Variants in CSMD1 observed in about 807,000 individuals in gnomAD.
CSMD1 encodes the protein CUB and Sushi multiple domains 1, also known as CUB and sushi domain-containing protein 1.
CSMD1 carries 213 observed loss-of-function variants against 417.5 expected under a neutral mutation model. The observed-to-expected ratio is 0.51, with a 90% CI of 0.46 to 0.57. The LOEUF is 0.57. Ranked by LOEUF, CSMD1 falls within the 20% of genes least tolerant of loss-of-function variation. The probability of loss-of-function intolerance (pLI) is 0.00; values close to 1 mark genes in which losing one functional copy is unlikely to be tolerated. For missense variants in CSMD1, 6,923 were observed against 4,529.7 expected (o/e 1.53, Z -15.17); for synonymous variants, 2,862 against 1,736.8 (o/e 1.65, Z -16.11).
At chr8:4,613,934 G>C (rs1485346297) in intron 2 of CSMD1, among the ~76,000 whole-genome samples, 1 of 151,092 alleles carries the variant, frequency 6.6e-6, no homozygotes, top group Non-Finnish European at 1.5e-5. Context: ...AGATAGAGAA[G>C]TTTTCTTTTG....
At chr8:4,066,919 G>C (rs1799281856) in intron 3 of CSMD1, among the ~76,000 whole-genome samples, 1 of 152,220 alleles carries the variant, frequency 6.6e-6, no homozygotes, top group Non-Finnish European at 1.5e-5. Flanking sequence ...TTTAAGTAAA[G>C]TGACAAATGC....
intron 12 of CSMD1, among the ~76,000 whole-genome samples, chr8:3,417,750 A>G (rs879700158): frequency 9.9e-5 from 15 of 152,222 alleles, no homozygotes; most frequent in Non-Finnish European, 1.9e-4. Flanking sequence ...TTTCACTCAG[A>G]AATCCCTAAA....
chr8:4,033,899 G>C (rs1255264255), intron 3 of CSMD1, among the ~76,000 whole-genome samples: 2 of 152,060 alleles, frequency 1.3e-5, no homozygotes, highest in Non-Finnish European at 2.9e-5. Flanking sequence ...CATCATTGTT[G>C]GCTATTGTAT....
chr8:4,893,349 T>C (rs1368932808), intron 1 of CSMD1, among the ~76,000 whole-genome samples: 1 of 152,126 alleles, frequency 6.6e-6, no homozygotes, highest in Non-Finnish European at 1.5e-5. Context: ...TATTTTTCTG[T>C]CACTTTTTTA....
At chr8:4,388,339 C>CACGA (rs1382849333) in intron 3 of CSMD1, among the ~76,000 whole-genome samples, 1 of 150,214 alleles carries the variant, frequency 6.7e-6, no homozygotes, top group Non-Finnish European at 1.5e-5. Flanking sequence ...CACACACACA[C>CACGA]ACACACGAAC....
chr8:3,317,286 T>A (rs1265019747), intron 23 of CSMD1, among the ~76,000 whole-genome samples: 1 of 152,220 alleles, frequency 6.6e-6, no homozygotes, highest in East Asian at 1.9e-4. Flanking sequence ...GCTTTGGATA[T>A]GTTAGGAGCA....
rs183296159 is a variant in CSMD1 at position 4,793,458 on chromosome 8, A to T, written c.86-155900T>A. ...CTTTATCACTTTCTCCTCCAGCTCC[A>T]TCCCCTCTCTCCTCCCCACCATCTC... On this transcript the variant is annotated intron_variant, in intron 1 of 69. Coordinates refer to ENST00000635120, the MANE Select transcript of CSMD1 (RefSeq NM_033225.6). Among the ~76,000 whole-genome samples the T allele has an allele frequency of 4.4e-3, 671 of 151,910 alleles. 8 individuals carry two copies. Among genetic ancestry groups the T allele is most frequent in the African/African-American group, 0.015 (603 of 41,424 alleles).
chr8:3,558,149 G>C (rs1799247317), intron 10 of CSMD1, among the ~76,000 whole-genome samples: 1 of 150,728 alleles, frequency 6.6e-6, no homozygotes, highest in Admixed American at 6.6e-5. Context: ...CTCCAATGAT[G>C]AATGGTGCCT....
At chr8:4,216,448 T>G (rs1205514231) in intron 3 of CSMD1, among the ~76,000 whole-genome samples, 1 of 152,150 alleles carries the variant, frequency 6.6e-6, no homozygotes, top group Non-Finnish European at 1.5e-5. Context: ...AGTAAGTAAG[T>G]AAAGCTTGTT....
intron 4 of CSMD1, among the ~76,000 whole-genome samples, chr8:4,006,486 G>A (rs1563310536): frequency 6.6e-6 from 1 of 152,176 alleles, no homozygotes; most frequent in Admixed American, 6.5e-5. Flanking sequence ...AGAGGTTGCA[G>A]TGAGCCAAGA....
intron 25 of CSMD1, among the ~76,000 whole-genome samples, chr8:3,291,058 C>G (rs542002766): frequency 6.6e-6 from 1 of 152,028 alleles, no homozygotes; most frequent in Admixed American, 6.5e-5. Flanking sequence ...TTGTCAAAGG[C>G]CTTTTCTGCA....
Position 3,754,730 on chromosome 8 carries a change from C to G in CSMD1, c.819-688G>C, listed in dbSNP as rs564254998. On this transcript the variant is annotated intron_variant, in intron 5 of 69. Transcript: ENST00000635120. ...TTGGCCTTCCAAAGTGCTTGGATTA[C>G]AAGCGTGAGCCACGGCGCCCGGCCA... Among the ~76,000 whole-genome samples, 684 of 152,314 alleles carry G rather than the reference C, an allele frequency of 4.5e-3. 4 individuals are homozygous for G. Among genetic ancestry groups the G allele is most frequent in the Non-Finnish European group, 5.7e-3 (387 of 68,022 alleles).
intron 2 of CSMD1, among the ~76,000 whole-genome samples, chr8:4,602,313 G>A (rs1218397207): frequency 6.6e-6 from 1 of 152,120 alleles, no homozygotes; most frequent in Admixed American, 6.5e-5. Flanking sequence ...AGGCACTTCA[G>A]AGGTCCGAAG....
chr8:4,031,645 C>T (rs999495646), intron 4 of CSMD1, among the ~76,000 whole-genome samples: 4 of 148,814 alleles, frequency 2.7e-5, no homozygotes, highest in East Asian at 2.1e-4. Flanking sequence ...TCTCGTATAA[C>T]ATGTAATATT....
chr8:3,397,832 C>T (rs1811795233), intron 16 of CSMD1, among the ~76,000 whole-genome samples: 1 of 152,136 alleles, frequency 6.6e-6, no homozygotes, highest in Admixed American at 6.5e-5. Flanking sequence ...CAGCCTAACA[C>T]ACACCGCCTG....
intron 3 of CSMD1, among the ~76,000 whole-genome samples, chr8:4,301,278 C>G (rs1219446222): frequency 6.6e-6 from 1 of 152,174 alleles, no homozygotes. Flanking sequence ...ACAAAGTCAA[C>G]AAGCAAAATG....
At chr8:3,314,205 G>A (rs1220907832) in intron 23 of CSMD1, among the ~76,000 whole-genome samples, 1 of 151,918 alleles carries the variant, frequency 6.6e-6, no homozygotes, top group Non-Finnish European at 1.5e-5. Context: ...CACCAACATG[G>A]CACATGTATA....
At chr8:4,531,961 C>A (rs1397817502) in intron 2 of CSMD1, among the ~76,000 whole-genome samples, 2 of 87,410 alleles carry the variant, frequency 2.3e-5, no homozygotes, top group Non-Finnish European at 6.5e-5. Flanking sequence ...AGAAATCCTG[C>A]ACCTCCATTC....
intron 35 of CSMD1, among the ~76,000 whole-genome samples, chr8:3,188,517 G>C (rs866641239): frequency 1.3e-5 from 2 of 151,678 alleles, no homozygotes; most frequent in Non-Finnish European, 2.9e-5. Context: ...ATGTTGGCCA[G>C]GCTAGTCTTG....
Sources: allele counts gnomAD v4.1 joint callset (sites outside exome capture counted in the v4.1 genomes callset), GRCh38; gene constraint gnomAD v4.1.1; transcripts MANE v1.5; gene names NCBI Gene and HGNC (gene_info 2026-07-23, HGNC 2026-07-21).